CD160: variants seen among roughly 807,000 people sequenced by gnomAD.
CD160 encodes CD160 molecule.
Under a neutral mutation model 19.2 loss-of-function variants are expected in CD160, and 11 were observed. The ratio of observed to expected loss-of-function variants is 0.57; its 90% CI spans 0.36 to 0.95. The LOEUF (loss-of-function observed/expected upper bound fraction) is 0.95. Ranked by LOEUF, CD160 falls within the 40% of genes least tolerant of loss-of-function variation. The probability of loss-of-function intolerance (pLI) is 0.01; values close to 1 mark genes in which losing one functional copy is unlikely to be tolerated. For missense variants in CD160, 182 were observed against 213.2 expected (o/e 0.85, Z 0.91); for synonymous variants, 75 against 81.1 (o/e 0.93, Z 0.40).
At chr1:145,728,455 G>A in intron 3 of CD160, 55 bp downstream of exon 3, 1 of 1,149,424 alleles carries the variant, frequency 8.7e-7, no homozygotes, top group Admixed American at 1.7e-5. Flanking sequence ...GGGCTTGTGG[G>A]AAGGGCTGGA....
At chr1:145,724,730 T>C (rs1481827527) in intron 1 of CD160, 71 bp from the exon 2 acceptor site, 1 of 152,202 alleles carries the variant, frequency 6.6e-6, no homozygotes, top group Admixed American at 6.5e-5. Context: ...GTGTATTATA[T>C]TTTTAATATC....
At chr1:145,736,159 C>A in intron 5 of CD160, 25 bp downstream of exon 5, 1 of 1,613,776 alleles carries the variant, frequency 6.2e-7, no homozygotes, top group Non-Finnish European at 8.5e-7. Flanking sequence ...GCCGTAAGCA[C>A]CCCAAGCAAT....
At chr1:145,730,666 C>A in intron 3 of CD160, 78 bp from the exon 4 acceptor site, 1 of 1,174,934 alleles carries the variant, frequency 8.5e-7, no homozygotes, top group Non-Finnish European at 1.2e-6. Context: ...TTGAAGACTT[C>A]TAGTGATAAG....
chr1:145,738,736 A>G lies in CD160; in HGVS notation c.*243A>G. 2 of 355,994 alleles carry G rather than the reference A, an allele frequency of 5.6e-6. No homozygotes were observed. Among genetic ancestry groups the G allele is most frequent in the Non-Finnish European group, 5.1e-6 (1 of 197,800 alleles). 22.1% of individuals were successfully genotyped at this position (355,994 alleles called of 1,614,324 possible). On this transcript the variant is annotated 3_prime_UTR_variant, in exon 6 of 6. Transcript: ENST00000369288. The stretch of plus-strand genomic sequence containing the variant: ...TCCTAAGCTCCAGTAAATAAACAGA[A>G]CAGCTTTCACCAAAGTGGGTAGTAT...
chr1:145,728,504 T>A, intron 3 of CD160, 104 bp downstream of exon 3: 1 of 93,934 alleles, frequency 1.1e-5, no homozygotes, highest in Non-Finnish European at 1.6e-5. Flanking sequence ...AAGGACTCTT[T>A]TTTTTTTTTT....
At chr1:145,733,632 A>G (rs1553709706) in intron 4 of CD160, among the ~76,000 whole-genome samples, 2 of 152,056 alleles carry the variant, frequency 1.3e-5, no homozygotes, top group Admixed American at 6.6e-5. Context: ...TGACCTAGCT[A>G]TAGCATTCAG....
At chr1:145,725,135 C>G in intron 2 of CD160, among the ~76,000 whole-genome samples, 1 of 151,502 alleles carries the variant, frequency 6.6e-6, no homozygotes, top group East Asian at 2.0e-4. Flanking sequence ...GAATAACATA[C>G]TAGGCCGGGC....
chr1:145,725,416 G>C (rs587634201), intron 2 of CD160, among the ~76,000 whole-genome samples: 1 of 152,276 alleles, frequency 6.6e-6, no homozygotes, highest in Non-Finnish European at 1.5e-5. Context: ...CTGCACTCCA[G>C]CCTGGGCGAC....
intron 2 of CD160, among the ~76,000 whole-genome samples, chr1:145,727,016 G>A (rs1394411000): frequency 1.3e-5 from 2 of 152,082 alleles, no homozygotes; most frequent in African/African-American, 4.8e-5. Flanking sequence ...GGAAGGGCAA[G>A]ACTAGACAAG....
chr1:145,721,944 T>C (rs1255813834), intron 1 of CD160, among the ~76,000 whole-genome samples: 1 of 152,166 alleles, frequency 6.6e-6, no homozygotes, highest in African/African-American at 2.4e-5. Flanking sequence ...GATGAGCGGC[T>C]GTGAGGAGAG....
In CD160 at chr1:145,736,107, C is replaced by A. The variant is rs782239000; in HGVS notation, c.511C>A (p.Leu171Met). The part of the protein sequence containing the change: ...GFLQEKVWVM[L>M]VTSLVALQAL The stretch of plus-strand genomic sequence containing the variant: ...CCTACAAGAAAAGGTCTGGGTAATG[C>A]TGGTCACCAGCCTTGTGGCCCTTCA... Residue 171 changes from leucine to methionine, a missense_variant, in exon 5 of 6, where the codon CTG becomes ATG. Coordinates refer to ENST00000369288, the MANE Select transcript of CD160 (RefSeq NM_007053.4). 3.1e-6 allele frequency: 5 copies of A among 1,614,154 alleles called. No individual in the cohort carries two copies. Among genetic ancestry groups the A allele is most frequent in the Non-Finnish European group, 4.2e-6 (5 of 1,180,014 alleles).
chr1:145,719,982 T>C (rs983730862), intron 1 of CD160, among the ~76,000 whole-genome samples: 3 of 152,222 alleles, frequency 2.0e-5, no homozygotes, highest in Admixed American at 2.0e-4. Flanking sequence ...CGTGAATAGA[T>C]TTATTCATGG....
intron 5 of CD160, 186 bp downstream of exon 5, chr1:145,736,320 G>A (rs1327797651): frequency 2.6e-6 from 4 of 1,524,780 alleles, no homozygotes; most frequent in Non-Finnish European, 3.5e-6. Flanking sequence ...CACTAAGGAG[G>A]AAGACAGATA....
At chr1:145,723,160 T>G (rs1462901218) in intron 1 of CD160, among the ~76,000 whole-genome samples, 1 of 152,130 alleles carries the variant, frequency 6.6e-6, no homozygotes, top group Non-Finnish European at 1.5e-5. Flanking sequence ...GGAAAGGACA[T>G]TGGGGCCATA....
chr1:145,731,778 A>T (rs782697439), intron 4 of CD160, among the ~76,000 whole-genome samples: 4 of 152,174 alleles, frequency 2.6e-5, no homozygotes, highest in African/African-American at 9.7e-5. Flanking sequence ...GCAGACAACG[A>T]GATTAGGTTT....
At position 145,728,400 on chromosome 1, in the gene CD160, G is replaced by A. The variant is rs781992359; in HGVS notation, c.73G>A (p.Gly25Arg). The A allele has an allele frequency of 8.1e-6, 13 of 1,605,338 alleles. No homozygotes were observed. In the Middle Eastern group the frequency reaches 5.0e-4, roughly 61 times the overall value. Reference sequence around the variant, plus strand: ...GGCAATTGTGGACATCCAGTCTGGTGGTGAGGATAGACCCTAGAGCAGAGA... The same window carrying A: ...GGCAATTGTGGACATCCAGTCTGGTAGTGAGGATAGACCCTAGAGCAGAGA... ...LLAIVDIQSG[G>R]CINITSSASQ... Residue 25 changes from glycine to arginine, a missense_variant and splice_region_variant, in exon 3 of 6, where the codon GGA becomes AGA. By Grantham distance (125) the Gly-to-Arg change is moderately radical (BLOSUM62 -2). Coordinates refer to ENST00000369288, the MANE Select transcript of CD160 (RefSeq NM_007053.4).
At chr1:145,736,156 GCACC>G (rs782180730) in intron 5 of CD160, 22 bp downstream of exon 5, 14 of 1,613,772 alleles carry the variant, frequency 8.7e-6, no homozygotes, top group Non-Finnish European at 1.2e-5. Context: ...AGAGCCGTAA[GCACC>G]CCAAGCAATG....
At chr1:145,738,273 CA>C (rs1456832447) in intron 5 of CD160, 1 of 361,884 alleles carries the variant, frequency 2.8e-6, no homozygotes, top group Non-Finnish European at 5.0e-6. Flanking sequence ...GCCCCCTTCC[CA>C]CTCCCACCAG....
At chr1:145,728,654 C>T (rs1254270604) in intron 3 of CD160, among the ~76,000 whole-genome samples, 1 of 151,990 alleles carries the variant, frequency 6.6e-6, no homozygotes, top group African/African-American at 2.4e-5. Context: ...CAGGCTTATG[C>T]CGCCACCGCC....
Sources: gnomAD v4.1 joint callset for allele counts (sites outside exome capture counted in the v4.1 genomes callset) on GRCh38, gnomAD v4.1.1 for gene constraint, MANE v1.5 for transcripts, NCBI Gene and HGNC (gene_info 2026-07-23, HGNC 2026-07-21) for gene names.